The following PRKG1 variants were observed in gnomAD, a reference collection of about 807,000 sequenced individuals.
PRKG1 encodes cGMP-dependent protein kinase 1.
In PRKG1, 35 loss-of-function variants were observed where a neutral mutation model predicts 88.1. The observed-to-expected ratio is 0.40, with a 90% CI of 0.30 to 0.53. PRKG1 has a LOEUF of 0.53. Among genes scored for constraint, PRKG1 ranks in the 20% least tolerant of loss-of-function variants. The pLI, the probability that PRKG1 is intolerant of heterozygous loss-of-function variation, is 0.59. For synonymous variants in PRKG1, 303 were observed against 292.5 expected, an observed-to-expected ratio of 1.04 and a Z score of -0.37; for missense variants, 540 against 839.8, an observed-to-expected ratio of 0.64 and a Z score of 4.41.
At position 51,816,889 on chromosome 10, in the gene PRKG1, T is replaced by G. The variant is rs191535331; in HGVS notation, c.698+12199T>G. Among the ~76,000 whole-genome samples, 986 of 152,306 alleles carry G rather than the reference T, an allele frequency of 6.5e-3. 12 individuals carry two copies. The highest frequency in any genetic ancestry group is 0.02 in the African/African-American group (832 of 41,576). On this transcript the variant is annotated intron_variant, in intron 4 of 17. Transcript: ENST00000373980. The stretch of plus-strand genomic sequence containing the variant: ...TATTCCAGGTTTGGAAAAAACTATG[T>G]AAGTGCTCTGGTTTGTTGTGCAAAT...
chr10:52,081,577 A>G (rs1904024), intron 7 of PRKG1: 374,413 of 456,386 alleles, frequency 0.82, 157,696 homozygotes, highest in Admixed American at 0.89. Context: ...AATACTTACC[A>G]TATGCCATGT....
intron 1 of PRKG1, among the ~76,000 whole-genome samples, chr10:50,999,176 C>A (rs1842862893): frequency 1.3e-5 from 2 of 152,208 alleles, no homozygotes; most frequent in Admixed American, 1.3e-4. Context: ...GCATCTTCAA[C>A]CTTTTTCTAG....
chr10:51,898,656 G>A (rs973263862), intron 4 of PRKG1, among the ~76,000 whole-genome samples: 2 of 152,054 alleles, frequency 1.3e-5, no homozygotes, highest in African/African-American at 2.4e-5. Context: ...GCAACATGGT[G>A]AGACCCTGCC....
intron 3 of PRKG1, among the ~76,000 whole-genome samples, chr10:51,619,605 T>C (rs1839155419): frequency 6.6e-6 from 1 of 152,204 alleles, no homozygotes; most frequent in Non-Finnish European, 1.5e-5. Context: ...AGGGCTCTTA[T>C]GTTAATTAGG....
At chr10:51,707,613 AACAAT>A (rs1841642945) in intron 3 of PRKG1, among the ~76,000 whole-genome samples, 1 of 151,860 alleles carries the variant, frequency 6.6e-6, no homozygotes, top group Non-Finnish European at 1.5e-5. Context: ...CTGTGACCGG[AACAAT>A]ACAACACCTC....
At chr10:51,568,118 A>T (rs570047389) in intron 3 of PRKG1, among the ~76,000 whole-genome samples, 1 of 152,020 alleles carries the variant, frequency 6.6e-6, no homozygotes, top group African/African-American at 2.4e-5. Context: ...GAAAAAAAAA[A>T]TGCTTCACTA....
intron 9 of PRKG1, among the ~76,000 whole-genome samples, chr10:52,220,938 A>G (rs1018627591): frequency 1.7e-5 from 2 of 117,288 alleles, no homozygotes; most frequent in African/African-American, 5.1e-5. Flanking sequence ...GCTGGATTGA[A>G]TGATATTTCT....
At position 51,035,445 on chromosome 10, in the gene PRKG1, G is replaced by C. The variant is rs373010629; in HGVS notation, c.266+43801G>C. 7.9e-5 allele frequency among the ~76,000 whole-genome samples: 12 copies of C among 152,110 alleles called. No homozygotes were observed. The East Asian group carries it at 1.9e-3, about 24-fold the overall frequency. On this transcript the variant is annotated intron_variant, in intron 1 of 17. Transcript: ENST00000401604. ...CAGCATTAAATTGTCTTGTGGTCTC[G>C]GTTGTAGTGTCAGGGTAAAATCAGT...
intron 1 of PRKG1, among the ~76,000 whole-genome samples, chr10:51,086,713 C>G (rs1016484546): frequency 6.6e-6 from 1 of 152,176 alleles, no homozygotes. Context: ...AAACAGATTA[C>G]TAGCTCCTTT....
chr10:51,549,684 A>G (rs539908924), intron 3 of PRKG1, among the ~76,000 whole-genome samples: 1 of 152,268 alleles, frequency 6.6e-6, no homozygotes, highest in South Asian at 2.1e-4. Flanking sequence ...GTTTTCCTGA[A>G]GAATTGTCAG....
chr10:51,271,194 G>A (rs924975143), intron 2 of PRKG1, among the ~76,000 whole-genome samples: 3 of 152,016 alleles, frequency 2.0e-5, no homozygotes, highest in Non-Finnish European at 4.4e-5. Context: ...TATATGACTA[G>A]ATGGTTGGGG....
At chr10:51,559,162 T>A (rs1589079845) in intron 3 of PRKG1, among the ~76,000 whole-genome samples, 1 of 152,002 alleles carries the variant, frequency 6.6e-6, no homozygotes, top group African/African-American at 2.4e-5. Context: ...CCACTGAGGG[T>A]ATTAGAAAGT....
intron 8 of PRKG1, among the ~76,000 whole-genome samples, chr10:52,137,318 A>G (rs1487336683): frequency 6.6e-6 from 1 of 152,094 alleles, no homozygotes; most frequent in African/African-American, 2.4e-5. Flanking sequence ...TCTACTTATT[A>G]TCTTAATAAG....
intron 1 of PRKG1, among the ~76,000 whole-genome samples, chr10:51,069,092 G>A (rs776413883): frequency 7.3e-5 from 11 of 151,664 alleles, no homozygotes; most frequent in Non-Finnish European, 1.2e-4. Flanking sequence ...ATAACTTCCC[G>A]TCATCTTAAG....
At chr10:51,036,306 A>C (rs1422051028) in intron 1 of PRKG1, among the ~76,000 whole-genome samples, 1 of 152,140 alleles carries the variant, frequency 6.6e-6, no homozygotes, top group African/African-American at 2.4e-5. Flanking sequence ...AAGGGTATTC[A>C]ATGTATATTT....
chr10:51,862,505 C>T (rs1840908393), intron 4 of PRKG1, among the ~76,000 whole-genome samples: 1 of 152,070 alleles, frequency 6.6e-6, no homozygotes, highest in South Asian at 2.1e-4. Flanking sequence ...GGGTAGCCCT[C>T]TGTGTGAGAA....
chr10:51,946,772 G>A (rs1279666306), intron 5 of PRKG1, among the ~76,000 whole-genome samples: 1 of 152,058 alleles, frequency 6.6e-6, no homozygotes, highest in Admixed American at 6.5e-5. Context: ...CTGCAGAAGA[G>A]CGGATTTTCA....
intron 3 of PRKG1, among the ~76,000 whole-genome samples, chr10:51,690,949 A>G (rs1841124927): frequency 6.7e-6 from 1 of 150,248 alleles, no homozygotes; most frequent in Admixed American, 6.6e-5. Context: ...AAAAAAAAAA[A>G]AAGAATTACG....
chr10:51,974,118 C>A (rs1038464436), intron 5 of PRKG1, among the ~76,000 whole-genome samples: 1 of 152,042 alleles, frequency 6.6e-6, no homozygotes, highest in Non-Finnish European at 1.5e-5. Flanking sequence ...TATTTACTAT[C>A]TGGTCATTTA....
Sources: allele counts gnomAD v4.1 joint callset (sites outside exome capture counted in the v4.1 genomes callset), GRCh38; gene constraint gnomAD v4.1.1; transcripts MANE v1.5; gene names NCBI Gene and HGNC (gene_info 2026-07-23, HGNC 2026-07-21).